The following SMG6 variants were observed in gnomAD, a reference collection of about 807,000 sequenced individuals.
SMG6 encodes telomerase-binding protein EST1A.
Under a neutral mutation model 142.2 loss-of-function variants are expected in SMG6, and 66 were observed. That is an observed-to-expected ratio of 0.46 (90% confidence interval 0.38 to 0.57). The LOEUF is 0.57. Ranked by LOEUF, SMG6 falls within the 20% of genes least tolerant of loss-of-function variation. The pLI is 0.00. For synonymous variants in SMG6, 779 were observed against 702.4 expected (o/e 1.11, Z -1.72); for missense variants, 1,793 against 1,832.0 (o/e 0.98, Z 0.39).
chr17:2,107,387 T>C (rs1215391528), intron 13 of SMG6, among the ~76,000 whole-genome samples: 1 of 152,212 alleles, frequency 6.6e-6, no homozygotes, highest in Non-Finnish European at 1.5e-5. Flanking sequence ...AGCTACGAAG[T>C]ACTATGTCTT....
At chr17:2,292,494 T>A in intron 6 of SMG6, 58 bp downstream of exon 6, 3 of 1,519,026 alleles carry the variant, frequency 2.0e-6, no homozygotes, top group Non-Finnish European at 2.7e-6. Context: ...ATTATCAAAC[T>A]CCATATTGTA....
At chr17:2,087,281 A>G in intron 13 of SMG6, 2 of 1,274,060 alleles carry the variant, frequency 1.6e-6, no homozygotes, top group Non-Finnish European at 2.0e-6. Context: ...CAGATGAAGC[A>G]GGCATGACCC....
chr17:2,241,796 G>A (rs216217), intron 9 of SMG6, among the ~76,000 whole-genome samples: 87,811 of 152,162 alleles, frequency 0.58, 26,514 homozygotes, highest in East Asian at 0.75. Context: ...AGGGTGTTTA[G>A]CTACTGCATA....
chr17:2,208,113 A>G (rs903843866), intron 10 of SMG6, among the ~76,000 whole-genome samples: 8 of 152,132 alleles, frequency 5.3e-5, no homozygotes, highest in Non-Finnish European at 1.2e-4. Context: ...TGGGCGACAG[A>G]GGGAGACCGT....
At chr17:2,125,320 C>T (rs1220833001) in intron 13 of SMG6, among the ~76,000 whole-genome samples, 1 of 152,120 alleles carries the variant, frequency 6.6e-6, no homozygotes, top group Non-Finnish European at 1.5e-5. Flanking sequence ...TCCAGACATC[C>T]TGAGACCAAT....
At chr17:2,070,674 C>T (rs770360167) in intron 15 of SMG6, among the ~76,000 whole-genome samples, 2 of 152,234 alleles carry the variant, frequency 1.3e-5, no homozygotes, top group Non-Finnish European at 2.9e-5. Flanking sequence ...ACTGCCACCA[C>T]AGCTGGTAAA....
At position 2,075,375 on chromosome 17, in the gene SMG6, G is replaced by A. The variant is rs561187601; in HGVS notation, c.3681+6435C>T. On this transcript the variant is annotated intron_variant, in intron 15 of 18. Transcript: ENST00000263073. ...AGAACACATGTCATTGCTGGCCACA[G>A]AGCAAGACTGTGGCCATAATGCTGA... Among the ~76,000 whole-genome samples, 55 of 152,354 alleles carry A rather than the reference G, an allele frequency of 3.6e-4. 1 individual carries two copies. The South Asian group carries it at 0.011, about 31-fold the overall frequency.
intron 12 of SMG6, among the ~76,000 whole-genome samples, chr17:2,186,108 G>A (rs1233486513): frequency 3.3e-5 from 5 of 151,908 alleles, no homozygotes; most frequent in Non-Finnish European, 7.4e-5. Flanking sequence ...TGCACCTGTG[G>A]TCCCAGCTAC....
chr17:2,217,164 A>G (rs1446153038), intron 10 of SMG6, among the ~76,000 whole-genome samples: 2 of 152,226 alleles, frequency 1.3e-5, no homozygotes, highest in East Asian at 3.9e-4. Context: ...AACAATCAGA[A>G]TTAGAACCTA....
intron 8 of SMG6, among the ~76,000 whole-genome samples, chr17:2,268,666 C>A (rs2074476907): frequency 6.6e-6 from 1 of 152,252 alleles, no homozygotes; most frequent in Admixed American, 6.5e-5. Context: ...AATCCCAGCA[C>A]TTCGGGAGGC....
At chr17:2,149,006 T>C (rs2070748602) in intron 13 of SMG6, among the ~76,000 whole-genome samples, 1 of 152,118 alleles carries the variant, frequency 6.6e-6, no homozygotes, top group East Asian at 1.9e-4. Flanking sequence ...TGGTGATGGC[T>C]ACACAACAGT....
Position 2,300,151 on chromosome 17 carries a change from TC to T in SMG6, c.601del (p.Glu201LysfsTer9). 6.2e-7 allele frequency: 1 copy of T among 1,614,128 alleles called. No individual in the cohort carries two copies. Reference protein sequence around the residue: ...VANKPDRAEIEKSPGGGRVGA... With the variant: ...VANKPDRAEIXKSPGGGRVGA... ...TACTCTCCCACCACCTGGGCTCTTTTCTATCTCAGCCCTGTCTGGTTTATTC... is the reference window on the plus strand; with the variant it reads ...TACTCTCCCACCACCTGGGCTCTTTTTATCTCAGCCCTGTCTGGTTTATTC... On this transcript the variant is annotated frameshift_variant, in exon 2 of 19. Transcript: ENST00000263073. LOFTEE classifies it high-confidence loss of function.
intron 13 of SMG6, among the ~76,000 whole-genome samples, chr17:2,154,340 C>T (rs566387067): frequency 5.6e-5 from 7 of 125,488 alleles, no homozygotes; most frequent in Non-Finnish European, 8.4e-5. Flanking sequence ...GTGACGGTGA[C>T]GGGGGGGAAT....
At position 2,300,033 on chromosome 17, in the gene SMG6, G is replaced by A. The variant is rs765211008; in HGVS notation, c.720C>T (p.Ser240=). The A allele has an allele frequency of 1.9e-5, 30 of 1,614,000 alleles. No homozygotes were observed. Among genetic ancestry groups the A allele is most frequent in the South Asian group, 6.6e-5 (6 of 91,084 alleles). Residue 240 remains serine, a synonymous_variant, in exon 2 of 19, where the codon TCC becomes TCT. Coordinates refer to ENST00000263073, the MANE Select transcript of SMG6 (RefSeq NM_017575.5). ...TGTCTGAGCGGGAGTAGCGCTTTGC[G>A]GAGCCCGGCCTCCCGCGGGCTGGGT... ...HDDPARGRPG[S]AKRYSRSDKR...
chr17:2,198,928 C>A (rs2072419796), intron 10 of SMG6, among the ~76,000 whole-genome samples: 1 of 105,520 alleles, frequency 9.5e-6, no homozygotes, highest in Non-Finnish European at 1.9e-5. Context: ...CAGGGGCAAC[C>A]AGAAGGAAAA....
chr17:2,066,752 T>C (rs1298004764), intron 16 of SMG6, among the ~76,000 whole-genome samples: 1 of 147,082 alleles, frequency 6.8e-6, no homozygotes, highest in Non-Finnish European at 1.5e-5. Context: ...ATGGCTGAGG[T>C]TGGGAAGCAG....
chr17:2,177,655 T>G (rs111245220), intron 12 of SMG6, among the ~76,000 whole-genome samples: 7 of 151,406 alleles, frequency 4.6e-5, no homozygotes, highest in Non-Finnish European at 7.4e-5. Flanking sequence ...CCGGAAAGAG[T>G]TGAGTGAGAA....
Position 2,064,615 on chromosome 17 carries a change from G to A in SMG6, c.4129+458C>T, listed in dbSNP as rs115718437. On this transcript the variant is annotated intron_variant, in intron 18 of 18. Coordinates refer to ENST00000263073, the MANE Select transcript of SMG6 (RefSeq NM_017575.5). Reference sequence around the variant, plus strand: ...CCTGAAATAGGGTAAACACTCAGGGGTGAACAGAGAAGGTAGGAAGGTAAG... The same window carrying A: ...CCTGAAATAGGGTAAACACTCAGGGATGAACAGAGAAGGTAGGAAGGTAAG... 5.8e-3 allele frequency among the ~76,000 whole-genome samples: 883 copies of A among 152,234 alleles called. 11 individuals are homozygous for A. The highest frequency in any genetic ancestry group is 0.02 in the African/African-American group (836 of 41,522).
At chr17:2,258,961 C>G (rs1181615177) in intron 8 of SMG6, among the ~76,000 whole-genome samples, 2 of 151,752 alleles carry the variant, frequency 1.3e-5, no homozygotes, top group African/African-American at 4.8e-5. Context: ...ACCTGTAATC[C>G]CAGCTAGTTG....
Sources: allele counts gnomAD v4.1 joint callset (sites outside exome capture counted in the v4.1 genomes callset), GRCh38; gene constraint gnomAD v4.1.1; transcripts MANE v1.5; gene names NCBI Gene and HGNC (gene_info 2026-07-23, HGNC 2026-07-21).